The following UBXN7 variants were observed in gnomAD, a reference collection of about 807,000 sequenced individuals.
UBXN7 encodes the protein UBX domain-containing protein 7.
UBXN7 carries 9 observed loss-of-function variants against 58.0 expected under a neutral mutation model. The observed-to-expected ratio is 0.16, with a 90% CI of 0.09 to 0.27. The LOEUF (loss-of-function observed/expected upper bound fraction) is 0.27, where lower values mean the gene tolerates loss of function less well. UBXN7 is among the 10% of genes least tolerant of loss of function. UBXN7 has a pLI of 1.00. For missense variants in UBXN7, 328 were observed against 599.6 expected, an observed-to-expected ratio of 0.55 and a Z score of 4.73; for synonymous variants, 208 against 205.0, an observed-to-expected ratio of 1.01 and a Z score of -0.12.
chr3:196,403,623 A>C (rs1444683594), intron 2 of UBXN7, among the ~76,000 whole-genome samples: 1 of 152,206 alleles, frequency 6.6e-6, no homozygotes, highest in Non-Finnish European at 1.5e-5. Context: ...TCCCCCAAAA[A>C]ATCAGGCAGA....
chr3:196,362,186 G>A (rs1427110340), intron 9 of UBXN7, 108 bp downstream of exon 9: 1 of 1,398,084 alleles, frequency 7.2e-7, no homozygotes, highest in Non-Finnish European at 9.7e-7. Context: ...TAGAGACAGG[G>A]TTTTGCCATG....
At chr3:196,372,789 A>G (rs1300587893) in intron 5 of UBXN7, among the ~76,000 whole-genome samples, 1 of 151,466 alleles carries the variant, frequency 6.6e-6, no homozygotes, top group Admixed American at 6.6e-5. Flanking sequence ...CTTGTTGCCT[A>G]AGTCGGAGAA....
intron 1 of UBXN7, chr3:196,431,596 C>G (rs1414579819): frequency 6.6e-6 from 1 of 151,234 alleles, no homozygotes; most frequent in African/African-American, 2.4e-5. Flanking sequence ...GCGCCATCGT[C>G]TCCGTCTTTA....
intron 1 of UBXN7, among the ~76,000 whole-genome samples, chr3:196,421,148 C>A (rs775429166): frequency 1.3e-5 from 2 of 152,154 alleles, no homozygotes; most frequent in Non-Finnish European, 2.9e-5. Context: ...CCAGAAAAAA[C>A]TGAGTACAGA....
rs140658188 is a variant in UBXN7, at chr3:196,355,513, G to A, written c.*1172C>T. On this transcript the variant is annotated 3_prime_UTR_variant, in exon 11 of 11. Coordinates refer to ENST00000296328, the MANE Select transcript of UBXN7 (RefSeq NM_015562.2). Reference sequence around the variant, plus strand: ...TAAATGTTGTCTTCTGAATGGAGTTGAAAGGTCTTCCCCTTAGAGAGGCTT... The same window carrying A: ...TAAATGTTGTCTTCTGAATGGAGTTAAAAGGTCTTCCCCTTAGAGAGGCTT... 6.6e-6 allele frequency: 1 copy of A among 152,318 alleles called. No individual in the cohort carries two copies. The highest frequency in any genetic ancestry group is 1.9e-4 in the East Asian group (1 of 5,190). 9.4% of individuals were successfully genotyped at this position (152,318 alleles called of 1,614,324 possible).
intron 5 of UBXN7, among the ~76,000 whole-genome samples, chr3:196,374,290 A>C (rs1252436871): frequency 6.6e-6 from 1 of 151,942 alleles, no homozygotes; most frequent in Non-Finnish European, 1.5e-5. Context: ...TTTCGCTTTT[A>C]AAAATTTGTT....
At chr3:196,398,645 T>C (rs1244590880) in intron 3 of UBXN7, among the ~76,000 whole-genome samples, 1 of 152,230 alleles carries the variant, frequency 6.6e-6, no homozygotes, top group Non-Finnish European at 1.5e-5. Context: ...TTGTAATTTA[T>C]CATTGTTTTT....
rs577417122 is a variant in UBXN7, at chr3:196,381,237, A to G, written c.469-9195T>C. On this transcript the variant is annotated intron_variant, in intron 5 of 10. Transcript: ENST00000296328. ...GAGACATCTCCCAGTAGGGGCCGACAGACACCTCATACAGGCGGCTGCCCC... is the reference window on the plus strand; with the variant it reads ...GAGACATCTCCCAGTAGGGGCCGACGGACACCTCATACAGGCGGCTGCCCC... Among the ~76,000 whole-genome samples the G allele has an allele frequency of 5.3e-5, 8 of 152,368 alleles. No homozygotes were observed. In the South Asian group the frequency reaches 1.2e-3, roughly 24 times the overall value.
chr3:196,391,034 T>C (rs538764551), intron 5 of UBXN7, among the ~76,000 whole-genome samples: 2 of 152,168 alleles, frequency 1.3e-5, no homozygotes, highest in Non-Finnish European at 2.9e-5. Flanking sequence ...TTGGGTTTAG[T>C]CACGATAAAA....
intron 5 of UBXN7, among the ~76,000 whole-genome samples, chr3:196,389,537 G>A (rs1729513873): frequency 6.6e-6 from 1 of 152,146 alleles, no homozygotes; most frequent in Non-Finnish European, 1.5e-5. Flanking sequence ...AGTGTTGGGG[G>A]TGGGGCCTCG....
At chr3:196,369,898 C>T (rs555341936) in intron 6 of UBXN7, among the ~76,000 whole-genome samples, 2 of 152,004 alleles carry the variant, frequency 1.3e-5, no homozygotes, top group East Asian at 1.9e-4. Flanking sequence ...TTTAGGAGGC[C>T]GAGGCGAGTG....
intron 3 of UBXN7, among the ~76,000 whole-genome samples, chr3:196,401,297 A>ATATATATG (rs1464952780): frequency 1.1e-4 from 11 of 101,732 alleles, no homozygotes; most frequent in African/African-American, 5.0e-4. Flanking sequence ...ATATATATAT[A>ATATATATG]TACACACACA....
intron 8 of UBXN7, among the ~76,000 whole-genome samples, chr3:196,365,572 G>A (rs999746867): frequency 5.3e-5 from 8 of 152,022 alleles, no homozygotes; most frequent in African/African-American, 1.5e-4. Context: ...AGCTGGTTCC[G>A]TAAGATCAAT....
At chr3:196,382,899 A>G (rs1307388600) in intron 5 of UBXN7, among the ~76,000 whole-genome samples, 1 of 152,166 alleles carries the variant, frequency 6.6e-6, no homozygotes. Context: ...GCAGATCACG[A>G]GGTCAGGAGA....
At chr3:196,375,183 C>CCACACACACACACACA (rs56188527) in intron 5 of UBXN7, among the ~76,000 whole-genome samples, 3 of 139,732 alleles carry the variant, frequency 2.1e-5, no homozygotes, top group Non-Finnish European at 4.7e-5. Context: ...GGTGCTCTTA[C>CCACACACACACACACA]CACACACACA....
Position 196,353,146 on chromosome 3 carries a change from T to C in UBXN7, c.*3539A>G, listed in dbSNP as rs1428685655. The C allele has an allele frequency of 2.0e-5, 3 of 152,182 alleles. No homozygotes were observed. Among genetic ancestry groups the C allele is most frequent in the African/African-American group, 7.2e-5 (3 of 41,444 alleles). 9.4% of individuals were successfully genotyped at this position (152,182 alleles called of 1,614,324 possible). ...AGTGACACTTTACAAAGCCAAACAATGAGAAGAGAATCATCTGGGTAGCTT... is the reference window on the plus strand; with the variant it reads ...AGTGACACTTTACAAAGCCAAACAACGAGAAGAGAATCATCTGGGTAGCTT... On this transcript the variant is annotated 3_prime_UTR_variant, in exon 11 of 11. Transcript: ENST00000296328.
chr3:196,362,953 G>T (rs189601787), intron 8 of UBXN7, among the ~76,000 whole-genome samples: 2 of 151,962 alleles, frequency 1.3e-5, no homozygotes, highest in Non-Finnish European at 2.9e-5. Flanking sequence ...GCCCAGGCTG[G>T]AGTGCAGTGG....
intron 10 of UBXN7, among the ~76,000 whole-genome samples, chr3:196,357,976 C>T (rs921690719): frequency 6.6e-6 from 1 of 151,836 alleles, no homozygotes; most frequent in Non-Finnish European, 1.5e-5. Flanking sequence ...GCAGAGGTTG[C>T]AGTGAGCCAA....
chr3:196,362,044 A>G lies in UBXN7; in HGVS notation c.1229-121T>C, dbSNP rs900688997. 7.3e-6 allele frequency: 8 copies of G among 1,096,746 alleles called. No homozygotes were observed. In the South Asian group the frequency reaches 1.0e-4, roughly 14 times the overall value. 67.9% of individuals were successfully genotyped at this position (1,096,746 alleles called of 1,614,324 possible). ...AGCAATTACTCAAGTGTTTTGCTGG[A>G]GTGCAGTGGCGTGATCTCAGCTCAC... On this transcript the variant is annotated intron_variant, in intron 9 of 10. Transcript: ENST00000296328.
Sources: gnomAD v4.1 joint callset for allele counts (sites outside exome capture counted in the v4.1 genomes callset) on GRCh38, gnomAD v4.1.1 for gene constraint, MANE v1.5 for transcripts, NCBI Gene and HGNC (gene_info 2026-07-23, HGNC 2026-07-21) for gene names.